SMIM7: variants seen among roughly 807,000 people sequenced by gnomAD.
The protein encoded by SMIM7 is small integral membrane protein 7.
In SMIM7, 12 loss-of-function variants were observed where a neutral mutation model predicts 13.3. The ratio of observed to expected loss-of-function variants is 0.90; its 90% CI spans 0.58 to 1.46. SMIM7 has a LOEUF of 1.46. Ranked by LOEUF, SMIM7 falls within the 40% of genes most tolerant of loss-of-function variation. The pLI is 0.00. For synonymous variants in SMIM7, 36 were observed against 35.8 expected (o/e 1.01, Z -0.02); for missense variants, 114 against 94.8 (o/e 1.20, Z -0.84).
At chr19:16,642,443 A>G (rs1475957068), downstream of SMIM7, among the ~76,000 whole-genome samples, 1 of 152,104 alleles carries the variant, frequency 6.6e-6, no homozygotes, top group Non-Finnish European at 1.5e-5. Context: ...CCAGCTATTC[A>G]GGAGGCTGAG....
chr19:16,639,153 G>A (rs556336450), intron 4 of SMIM7, among the ~76,000 whole-genome samples: 4 of 132,924 alleles, frequency 3.0e-5, no homozygotes, highest in Non-Finnish European at 6.2e-5. Context: ...ACGGAGTCTT[G>A]CTCTGTCGCC....
At chr19:16,638,722 C>G (rs1599359791) in intron 4 of SMIM7, 2 of 152,202 alleles carry the variant, frequency 1.3e-5, no homozygotes, top group South Asian at 4.1e-4. Context: ...CAAAACCCAG[C>G]TGAGAAAGTC....
intron 4 of SMIM7, among the ~76,000 whole-genome samples, chr19:16,637,962 G>A (rs1304196633): frequency 6.6e-6 from 1 of 152,104 alleles, no homozygotes; most frequent in East Asian, 1.9e-4. Flanking sequence ...GGGGTGATAA[G>A]CTGACAAAAG....
rs2086642725 is a variant in SMIM7 at position 16,659,467 on chromosome 19, G to A, written c.69-20C>T. 1 of 1,610,454 alleles carries A rather than the reference G, an allele frequency of 6.2e-7. No individual in the cohort carries two copies. Among genetic ancestry groups the A allele is most frequent in the East Asian group, 2.2e-5 (1 of 44,800 alleles). On this transcript the variant is annotated intron_variant, in intron 2 of 4. Transcript: ENST00000487416. ...TTTTTCCTACAAAGAGGAGCAGACA[G>A]TGTCCACTTTCAATGGGACATAGAG...
chr19:16,633,745 A>G (rs1286012522), intron 4 of SMIM7: 3 of 152,208 alleles, frequency 2.0e-5, no homozygotes, highest in Admixed American at 6.5e-5. Context: ...TAAAGCCACT[A>G]TTGATGGAGA....
intron 4 of SMIM7, chr19:16,634,690 A>G (rs2086345884): frequency 6.7e-6 from 1 of 150,364 alleles, no homozygotes; most frequent in African/African-American, 2.5e-5. Flanking sequence ...AGGTAGGAGA[A>G]CCACTTGAAT....
chr19:16,647,044 C>G lies in SMIM7; in HGVS notation c.*202G>C. On this transcript the variant is annotated 3_prime_UTR_variant, in exon 5 of 5. Coordinates refer to ENST00000487416, the MANE Select transcript of SMIM7 (RefSeq NM_024104.4). ...GTAGACAGCATTTCAATTCAGAGAC[C>G]AAAGTGAAACTATCTTTGAAAACAG... The G allele has an allele frequency of 1.5e-6, 1 of 652,114 alleles. No individual in the cohort carries two copies. The highest frequency in any genetic ancestry group is 1.8e-5 in the African/African-American group (1 of 54,888). The allele number at this position is 652,114 out of a possible 1,614,324, so 40.4% of individuals were successfully genotyped here. A position where few individuals can be genotyped will look rare whatever the true frequency, so the allele number is the denominator to read the frequency against.
chr19:16,653,608 A>C (rs1320457935), intron 4 of SMIM7: 3 of 169,100 alleles, frequency 1.8e-5, no homozygotes, highest in African/African-American at 7.2e-5. Context: ...CAAACAAAAA[A>C]AACAGGGCCG....
At chr19:16,649,149 A>C (rs933371157) in intron 4 of SMIM7, among the ~76,000 whole-genome samples, 2 of 152,134 alleles carry the variant, frequency 1.3e-5, no homozygotes, top group African/African-American at 4.8e-5. Context: ...AAAATGTCGT[A>C]GCTACTTTGG....
intron 4 of SMIM7, among the ~76,000 whole-genome samples, chr19:16,632,225 T>A (rs1465159954): frequency 6.6e-6 from 1 of 152,072 alleles, no homozygotes; most frequent in Non-Finnish European, 1.5e-5. Flanking sequence ...CCCTATCAGT[T>A]ATCTCAGAAG....
chr19:16,652,729 G>T (rs2086543704), intron 4 of SMIM7: 3 of 1,449,712 alleles, frequency 2.1e-6, no homozygotes, highest in Admixed American at 5.4e-5. Flanking sequence ...CACGCAGACT[G>T]GACAGCAACC....
At chr19:16,659,282 C>T in intron 3 of SMIM7, 113 bp downstream of exon 3, 2 of 546,474 alleles carry the variant, frequency 3.7e-6, no homozygotes, top group Non-Finnish European at 5.7e-6. Flanking sequence ...GACCTTGTGT[C>T]AAAAAAAAAA....
At chr19:16,638,173 A>G (rs1030212470) in intron 4 of SMIM7, among the ~76,000 whole-genome samples, 4 of 152,028 alleles carry the variant, frequency 2.6e-5, no homozygotes, top group African/African-American at 9.7e-5. Flanking sequence ...AGGCTGAGGC[A>G]GGAAGAATCA....
At chr19:16,641,991 C>T (rs1034493964), downstream of SMIM7, among the ~76,000 whole-genome samples, 14 of 152,136 alleles carry the variant, frequency 9.2e-5, no homozygotes, top group African/African-American at 3.4e-4. Context: ...ATGAGAAGCG[C>T]GTGCAAAAAT....
intron 4 of SMIM7, among the ~76,000 whole-genome samples, chr19:16,638,136 A>G (rs1372100387): frequency 6.6e-6 from 1 of 151,450 alleles, no homozygotes; most frequent in Admixed American, 6.6e-5. Flanking sequence ...GCGTGGTGGT[A>G]CGCACCTGTA....
At chr19:16,635,899 A>AAAAAATATATAT (rs1200181092) in intron 4 of SMIM7, among the ~76,000 whole-genome samples, 1 of 109,582 alleles carries the variant, frequency 9.1e-6, no homozygotes, top group African/African-American at 4.3e-5. Context: ...AAAAAAAAAA[A>AAAAAATATATAT]ATATATATAT....
intron 4 of SMIM7, chr19:16,652,892 C>T (rs901105488): frequency 1.2e-5 from 18 of 1,550,348 alleles, no homozygotes; most frequent in East Asian, 7.3e-5. Flanking sequence ...TCTCACAATT[C>T]GTTAACAGTA....
At chr19:16,635,820 G>T (rs1167290833) in intron 4 of SMIM7, among the ~76,000 whole-genome samples, 10 of 146,696 alleles carry the variant, frequency 6.8e-5, no homozygotes, top group African/African-American at 2.6e-4. Flanking sequence ...GGAGGGAGAG[G>T]TTGCAATGGG....
At chr19:16,643,397 G>C (rs933205177), downstream of SMIM7, among the ~76,000 whole-genome samples, 3 of 152,110 alleles carry the variant, frequency 2.0e-5, no homozygotes, top group African/African-American at 7.2e-5. Context: ...TGCATTAGTA[G>C]TTTAAAAAAA....
Sources: gnomAD v4.1 joint callset for allele counts (sites outside exome capture counted in the v4.1 genomes callset) on GRCh38, gnomAD v4.1.1 for gene constraint, MANE v1.5 for transcripts, NCBI Gene and HGNC (gene_info 2026-07-23, HGNC 2026-07-21) for gene names.